The following RP1 variants were observed in gnomAD, a reference collection of about 807,000 sequenced individuals.
RP1 encodes RP1 axonemal microtubule associated, also known as oxygen-regulated protein 1.
Under a neutral mutation model 14.8 loss-of-function variants are expected in RP1, and 16 were observed. That is an observed-to-expected ratio of 1.08 (90% confidence interval 0.73 to 1.65). The LOEUF (loss-of-function observed/expected upper bound fraction) is 1.65. Among genes scored for constraint, RP1 ranks in the 40% most tolerant of loss-of-function variants. RP1 has a pLI of 0.00. For synonymous variants in RP1, 876 were observed against 883.6 expected (o/e 0.99, Z 0.15); for missense variants, 2,631 against 2,535.0 (o/e 1.04, Z -0.81).
Position 54,816,711 on chromosome 8 carries a change from A to G in RP1, c.3616-20739A>G, listed in dbSNP as rs118164516. Among the ~76,000 whole-genome samples the G allele has an allele frequency of 1.4e-4, 22 of 152,302 alleles. No individual in the cohort carries two copies. The East Asian group carries it at 1.7e-3, about 12-fold the overall frequency. On this transcript the variant is annotated intron_variant, in intron 24 of 28. Coordinates refer to the RP1 transcript ENST00000637698. ...TCCTTCTTTTGCAGAACAGTCAAGG[A>G]AATCTTTTAGAAACATAAACTGGAA...
intron 17 of RP1, among the ~76,000 whole-genome samples, chr8:54,733,579 T>A (rs932262320): frequency 6.6e-6 from 1 of 152,166 alleles, no homozygotes; most frequent in African/African-American, 2.4e-5. Context: ...GTTGGTAAGA[T>A]CCTAAGTGCT....
intron 19 of RP1, among the ~76,000 whole-genome samples, chr8:54,745,278 T>C (rs1043936218): frequency 5.3e-5 from 8 of 152,216 alleles, no homozygotes; most frequent in African/African-American, 1.9e-4. Context: ...GAGAATTAAA[T>C]TGATTTCTCC....
intron 1 of RP1, among the ~76,000 whole-genome samples, chr8:54,573,428 A>G (rs969237192): frequency 1.3e-5 from 2 of 152,160 alleles, no homozygotes; most frequent in Admixed American, 6.5e-5. Context: ...AAAAATAAAA[A>G]CCTCAGGAGA....
At chr8:54,642,394 T>C (rs1477790955) in intron 3 of RP1, among the ~76,000 whole-genome samples, 1 of 152,186 alleles carries the variant, frequency 6.6e-6, no homozygotes, top group East Asian at 1.9e-4. Context: ...ATAAACAATG[T>C]CTTCCTTCTC....
At chr8:54,693,298 C>G (rs374616027) in intron 12 of RP1, among the ~76,000 whole-genome samples, 5 of 152,094 alleles carry the variant, frequency 3.3e-5, no homozygotes, top group South Asian at 2.1e-4. Flanking sequence ...CTTGGTGATG[C>G]GGGCTCTTTT....
intron 22 of RP1, among the ~76,000 whole-genome samples, chr8:54,762,420 C>T (rs2129370819): frequency 6.6e-6 from 1 of 152,320 alleles, no homozygotes; most frequent in East Asian, 1.9e-4. Flanking sequence ...CCCTCTTCAA[C>T]TGAACACCCA....
chr8:54,739,078 G>C, intron 19 of RP1: 1 of 1,316,740 alleles, frequency 7.6e-7, no homozygotes, highest in East Asian at 2.5e-5. Flanking sequence ...CTGATGAAAA[G>C]AAGCAAGCTG....
At chr8:54,569,053 A>C (rs999464930) in intron 1 of RP1, among the ~76,000 whole-genome samples, 1 of 152,238 alleles carries the variant, frequency 6.6e-6, no homozygotes, top group African/African-American at 2.4e-5. Context: ...ATACTCAATA[A>C]ATATTAGCTG....
At chr8:54,653,555 G>A (rs1806697597) in intron 5 of RP1, among the ~76,000 whole-genome samples, 1 of 151,882 alleles carries the variant, frequency 6.6e-6, no homozygotes, top group Non-Finnish European at 1.5e-5. Context: ...TTTAACATGT[G>A]GAAGAATTAA....
intron 1 of RP1, among the ~76,000 whole-genome samples, chr8:54,576,298 G>C (rs1215549191): frequency 3.3e-5 from 5 of 152,164 alleles, no homozygotes; most frequent in Non-Finnish European, 5.9e-5. Context: ...GCCCGCCTCG[G>C]CCTCCCAAAG....
Position 54,765,253 on chromosome 8 carries a change from C to A in RP1, c.3249-4488C>A, listed in dbSNP as rs372512112. Reference sequence around the variant, plus strand: ...TATTCCATGAAAATCAAACATGAGGCGCATGCTCTTAGGAGGTTGTAATCA... The same window carrying A: ...TATTCCATGAAAATCAAACATGAGGAGCATGCTCTTAGGAGGTTGTAATCA... On this transcript the variant is annotated intron_variant, in intron 22 of 22. Transcript: ENST00000636932. 6.0e-4 allele frequency among the ~76,000 whole-genome samples: 91 copies of A among 152,330 alleles called. 1 individual carries two copies. Among genetic ancestry groups the A allele is most frequent in the African/African-American group, 1.7e-3 (71 of 41,582 alleles).
chr8:54,844,637 T>C (rs886188479), intron 25 of RP1, among the ~76,000 whole-genome samples: 1 of 152,202 alleles, frequency 6.6e-6, no homozygotes, highest in Non-Finnish European at 1.5e-5. Flanking sequence ...TGCATACATG[T>C]TTGCACAAGG....
intron 25 of RP1, among the ~76,000 whole-genome samples, chr8:54,842,929 G>C (rs116769879): frequency 2.0e-4 from 31 of 152,220 alleles, no homozygotes; most frequent in African/African-American, 7.5e-4. Flanking sequence ...CTCTTCATCT[G>C]TGCTCAGGTC....
intron 25 of RP1, among the ~76,000 whole-genome samples, chr8:54,838,099 T>A (rs2129403388): frequency 6.6e-6 from 1 of 152,362 alleles, no homozygotes; most frequent in Non-Finnish European, 1.5e-5. Flanking sequence ...AACACCAGTA[T>A]GTCTGTTCAG....
intron 1 of RP1, among the ~76,000 whole-genome samples, chr8:54,586,034 A>T (rs915733025): frequency 6.6e-6 from 1 of 151,368 alleles, no homozygotes; most frequent in African/African-American, 2.4e-5. Flanking sequence ...GTTCCGTTGC[A>T]GGTGAGGAGC....
chr8:54,646,705 C>CCA, intron 3 of RP1, among the ~76,000 whole-genome samples: 1 of 152,098 alleles, frequency 6.6e-6, no homozygotes, highest in African/African-American at 2.4e-5. Flanking sequence ...CATCATATTT[C>CCA]ATTATTTTCA....
chr8:54,714,243 A>G (rs528281293), intron 15 of RP1, among the ~76,000 whole-genome samples: 27 of 152,178 alleles, frequency 1.8e-4, no homozygotes, highest in Non-Finnish European at 2.9e-4. Context: ...TAACTTAGAA[A>G]CAAAGATAAT....
chr8:54,826,348 G>A (rs1235202154), intron 24 of RP1, among the ~76,000 whole-genome samples: 4 of 152,156 alleles, frequency 2.6e-5, no homozygotes, highest in Admixed American at 1.3e-4. Context: ...CATTATCATT[G>A]CCACCTCCTG....
In RP1 at chr8:54,625,545, C is replaced by T; in HGVS notation, c.1663C>T (p.Gln555Ter). 6 of 1,613,964 alleles carry T rather than the reference C, an allele frequency of 3.7e-6. No individual in the cohort carries two copies. The highest frequency in any genetic ancestry group is 4.2e-6 in the Non-Finnish European group (5 of 1,180,002). Residue 555 changes from glutamine (Q) to a stop codon, truncating the protein, a stop_gained, in exon 4 of 4, where the codon CAG becomes TAG. Coordinates refer to ENST00000220676, the MANE Select transcript of RP1 (RefSeq NM_006269.2). LOFTEE classifies it low-confidence loss of function (END_TRUNC). ...ISAGVIEITS[Q>*]KMLEMSHNNG... ...TGCTGGTGTTATAGAAATTACAAGT[C>T]AGAAGATGTTAGAGATGTCACATAA...
Sources: allele counts gnomAD v4.1 joint callset (sites outside exome capture counted in the v4.1 genomes callset), GRCh38; gene constraint gnomAD v4.1.1; transcripts MANE v1.5; gene names NCBI Gene and HGNC (gene_info 2026-07-23, HGNC 2026-07-21).